Variants in DEPTOR observed in about 807,000 individuals in gnomAD.
DEPTOR encodes the protein DEP domain containing MTOR interacting protein.
Under a neutral mutation model 41.6 loss-of-function variants are expected in DEPTOR, and 41 were observed. The observed-to-expected ratio is 0.98, with a 90% CI of 0.77 to 1.28. DEPTOR has a LOEUF of 1.28. Ranked by LOEUF, DEPTOR falls within the 50% of genes most tolerant of loss-of-function variation. The pLI, the probability that DEPTOR is intolerant of heterozygous loss-of-function variation, is 0.00. For missense variants in DEPTOR, 514 were observed against 527.9 expected (o/e 0.97, Z 0.26); for synonymous variants, 195 against 192.3 (o/e 1.01, Z -0.12).
chr8:119,991,032 TTC>T (rs1319012852), intron 4 of DEPTOR, among the ~76,000 whole-genome samples: 3 of 25,700 alleles, frequency 1.2e-4, no homozygotes, highest in Non-Finnish European at 2.2e-4. Context: ...GGGTTTTCTT[TTC>T]TTTCTTTCTT....
chr8:119,958,400 G>T (rs1828445900), intron 3 of DEPTOR, among the ~76,000 whole-genome samples: 1 of 152,148 alleles, frequency 6.6e-6, no homozygotes, highest in Non-Finnish European at 1.5e-5. Context: ...GCCTCTTAAA[G>T]CCTCACCTTA....
intron 1 of DEPTOR, among the ~76,000 whole-genome samples, chr8:119,891,769 G>T (rs13265367): frequency 0.51 from 75,653 of 147,654 alleles, 20,494 homozygotes; most frequent in East Asian, 0.92. Context: ...GTCTTTCCAA[G>T]AAACACCTCC....
At chr8:120,019,479 G>A (rs1201383316) in intron 8 of DEPTOR, among the ~76,000 whole-genome samples, 2 of 152,124 alleles carry the variant, frequency 1.3e-5, no homozygotes, top group African/African-American at 2.4e-5. Flanking sequence ...AACCACTGAC[G>A]CGATCCTGTC....
rs190281873 is a variant in DEPTOR at position 120,022,816 on chromosome 8, G to A, written c.1101+13683G>A. ...CTCTCAAAGTGCTGGGATTCCAGGC[G>A]TGAGCCACTGCACTCAGCTGAAACT... is the stretch of plus-strand genomic sequence containing the variant. On this transcript the variant is annotated intron_variant, in intron 8 of 8. Coordinates refer to ENST00000286234, the MANE Select transcript of DEPTOR (RefSeq NM_022783.4). Among the ~76,000 whole-genome samples the A allele has an allele frequency of 2.3e-3, 344 of 152,032 alleles. 3 individuals are homozygous for A. The highest frequency in any genetic ancestry group is 7.9e-3 in the African/African-American group (328 of 41,444).
chr8:119,875,315 A>G (rs756472832), intron 1 of DEPTOR, among the ~76,000 whole-genome samples: 6 of 152,106 alleles, frequency 3.9e-5, no homozygotes, highest in African/African-American at 7.2e-5. Flanking sequence ...GGGTTGTTTT[A>G]TAGGAGTTGG....
At chr8:119,894,276 G>C (rs1827486266) in intron 1 of DEPTOR, among the ~76,000 whole-genome samples, 1 of 151,946 alleles carries the variant, frequency 6.6e-6, no homozygotes, top group African/African-American at 2.4e-5. Context: ...ATGTTGTCCA[G>C]GCTGGTCTCA....
At chr8:120,033,666 C>A (rs1812930277) in intron 8 of DEPTOR, among the ~76,000 whole-genome samples, 1 of 152,160 alleles carries the variant, frequency 6.6e-6, no homozygotes, top group South Asian at 2.1e-4. Flanking sequence ...ATCTCCAAAT[C>A]CATAGATTTC....
In DEPTOR at chr8:119,873,875, C is replaced by T; in HGVS notation, c.29C>T (p.Ala10Val). 1 of 1,613,478 alleles carries T rather than the reference C, an allele frequency of 6.2e-7. No individual in the cohort carries two copies. Among genetic ancestry groups the T allele is most frequent in the South Asian group, 1.1e-5 (1 of 91,054 alleles). The change falls in exon 1 of 9, where the codon GCT becomes GTT. Residue 10 changes from alanine (A) to valine (V), a missense_variant. By Grantham distance (64) the Ala-to-Val change is moderately conservative. Transcript: ENST00000286234. ...GAGGAGGGCGGCAGCACTGGCAGTG[C>T]TGGCAGTGACAGCAGCACCAGCGGG... is the stretch of plus-strand genomic sequence containing the variant. MEEGGSTGSAGSDSSTSGSG... is the reference protein window; with the variant it reads MEEGGSTGSVGSDSSTSGSG...
intron 1 of DEPTOR, among the ~76,000 whole-genome samples, chr8:119,920,523 T>C (rs1314586671): frequency 6.6e-6 from 1 of 152,162 alleles, no homozygotes; most frequent in Non-Finnish European, 1.5e-5. Context: ...TGGTTATGAA[T>C]TATTGAAGGC....
At chr8:120,015,690 G>C (rs1021772323) in intron 8 of DEPTOR, among the ~76,000 whole-genome samples, 4 of 152,126 alleles carry the variant, frequency 2.6e-5, no homozygotes, top group African/African-American at 9.7e-5. Flanking sequence ...ATGCTCACCC[G>C]TACAGAGACA....
chr8:120,022,940 G>A (rs1812743191), intron 8 of DEPTOR, among the ~76,000 whole-genome samples: 1 of 152,132 alleles, frequency 6.6e-6, no homozygotes, highest in African/African-American at 2.4e-5. Flanking sequence ...TTTCAAAGAT[G>A]TACTCTTGAA....
intron 6 of DEPTOR, among the ~76,000 whole-genome samples, chr8:120,005,460 G>C (rs998915561): frequency 6.6e-6 from 1 of 152,228 alleles, no homozygotes; most frequent in Non-Finnish European, 1.5e-5. Flanking sequence ...CAGTGGGCGA[G>C]GTCCAGCTGC....
intron 3 of DEPTOR, among the ~76,000 whole-genome samples, chr8:119,961,368 A>AT (rs1371837785): frequency 2.7e-5 from 4 of 146,476 alleles, no homozygotes. Flanking sequence ...GTGAGCTGAG[A>AT]TTGCATCATT....
chr8:119,887,018 G>A (rs1827372682), intron 1 of DEPTOR, among the ~76,000 whole-genome samples: 1 of 151,562 alleles, frequency 6.6e-6, no homozygotes, highest in Admixed American at 6.6e-5. Flanking sequence ...TACCAAGTGT[G>A]TGTACTAAGT....
intron 1 of DEPTOR, among the ~76,000 whole-genome samples, chr8:119,910,966 T>C (rs1827728596): frequency 6.6e-6 from 1 of 152,214 alleles, no homozygotes; most frequent in South Asian, 2.1e-4. Context: ...TATGTTTGTG[T>C]ATGTATGTTT....
chr8:120,036,684 A>G (rs1163538705), intron 8 of DEPTOR, among the ~76,000 whole-genome samples: 1 of 152,210 alleles, frequency 6.6e-6, no homozygotes, highest in Non-Finnish European at 1.5e-5. Context: ...GTTTTCATGA[A>G]TATGAAACAT....
intron 3 of DEPTOR, among the ~76,000 whole-genome samples, chr8:119,948,707 C>T (rs1386230668): frequency 6.6e-6 from 1 of 152,078 alleles, no homozygotes; most frequent in African/African-American, 2.4e-5. Context: ...TCCCCTATGC[C>T]TTCATCTACC....
chr8:119,886,663 C>T (rs566248359), intron 1 of DEPTOR, among the ~76,000 whole-genome samples: 59 of 152,282 alleles, frequency 3.9e-4, no homozygotes, highest in African/African-American at 1.4e-3. Context: ...CCCACTAGTA[C>T]ATGTTGTTTT....
intron 1 of DEPTOR, among the ~76,000 whole-genome samples, chr8:119,879,779 G>A (rs1195562673): frequency 6.6e-6 from 1 of 151,910 alleles, no homozygotes; most frequent in East Asian, 1.9e-4. Context: ...GGAGGCCGAG[G>A]TGGGTGGATC....
Sources: allele counts gnomAD v4.1 joint callset (sites outside exome capture counted in the v4.1 genomes callset), GRCh38; gene constraint gnomAD v4.1.1; transcripts MANE v1.5; gene names NCBI Gene and HGNC (gene_info 2026-07-23, HGNC 2026-07-21).